The following ECSCR variants were observed in gnomAD, a reference collection of about 807,000 sequenced individuals.
ECSCR encodes endothelial cell surface expressed chemotaxis and apoptosis regulator.
Under a neutral mutation model 16.7 loss-of-function variants are expected in ECSCR, and 12 were observed. The ratio of observed to expected loss-of-function variants is 0.72; its 90% confidence interval spans 0.46 to 1.17. The LOEUF (loss-of-function observed/expected upper bound fraction) is 1.17. Ranked by LOEUF, ECSCR falls within the 50% of genes most tolerant of loss-of-function variation. The probability of loss-of-function intolerance (pLI) is 0.00; values close to 1 mark genes in which losing one functional copy is unlikely to be tolerated. For missense variants in ECSCR, 122 were observed against 116.1 expected (o/e 1.05, Z -0.23); for synonymous variants, 44 against 42.2 (o/e 1.04, Z -0.17).
chr5:139,448,893 G>A lies in ECSCR; in HGVS notation c.*7C>T, dbSNP rs1165041538. 2.0e-6 allele frequency: 3 copies of A among 1,537,238 alleles called. No homozygotes were observed. The highest frequency in any genetic ancestry group is 3.9e-5 in the Admixed American group (2 of 51,000). On this transcript the variant is annotated 3_prime_UTR_variant, in exon 10 of 10. Coordinates refer to ENST00000618155, the MANE Select transcript of ECSCR (RefSeq NM_001077693.4). ...ATCCTTGGACTCATGGGGACCCAAA[G>A]TTGCTTTTAAAGAACCTGCAAAATA...
chr5:139,462,523 G>A (rs1222100446), intron 1 of ECSCR, 87 bp downstream of exon 1: 2 of 1,341,480 alleles, frequency 1.5e-6, no homozygotes, highest in African/African-American at 2.9e-5. Flanking sequence ...TGGATGGAAA[G>A]CATGTGTCTC....
chr5:139,458,142 G>A lies in ECSCR; in HGVS notation c.103C>T (p.Gln35Ter). The A allele has an allele frequency of 6.5e-7, 1 of 1,549,670 alleles. No individual in the cohort carries two copies. The highest frequency in any genetic ancestry group is 8.7e-7 in the Non-Finnish European group (1 of 1,146,930). Residue 35 changes from glutamine (Q) to a stop codon, truncating the protein, a stop_gained, in exon 2 of 10, where the codon CAG (glutamine) becomes TAG (stop). Coordinates refer to ENST00000618155, the MANE Select transcript of ECSCR (RefSeq NM_001077693.4). LOFTEE classifies it high-confidence loss of function. ...AGACCCATGTGTTTGGTCTTACCCT[G>A]AGAGCTAGAGGTCTGGGTCATTGTG... The part of the protein sequence containing the change: ...QPTMTQTSSS[Q>*]GGLGGLSLTT...
At position 139,457,606 on chromosome 5, in the gene ECSCR, T is replaced by A. The variant is rs1192798549; in HGVS notation, c.158-2A>T. ...TAGCCTCTGAGGAAGGGATGTATCC[T>A]GCAAGGACAGAGGCAGATAGGGAGT... On this transcript the variant is annotated splice_acceptor_variant, in intron 3 of 9. Coordinates refer to ENST00000618155, the MANE Select transcript of ECSCR (RefSeq NM_001077693.4). LOFTEE classifies it high-confidence loss of function. 3.4e-6 allele frequency: 3 copies of A among 895,046 alleles called. No homozygotes were observed. The highest frequency in any genetic ancestry group is 5.7e-6 in the Non-Finnish European group (3 of 522,720). 55.4% of individuals were successfully genotyped at this position (895,046 alleles called of 1,614,324 possible).
intron 4 of ECSCR, among the ~76,000 whole-genome samples, chr5:139,456,765 G>A (rs1373670677): frequency 1.3e-5 from 2 of 152,052 alleles, no homozygotes; most frequent in African/African-American, 2.4e-5. Context: ...CTGTCTCTAC[G>A]CCCCACCAAA....
rs969454571 is a variant in ECSCR at position 139,454,634 on chromosome 5, G to A, written c.480C>T (p.Pro160=). Reference sequence around the variant, plus strand: ...ACAGCCCTGAACTCCCAGGTTTCTGGGGATCTGTAAAAAGCCAAAGGCACA... The same window carrying A: ...ACAGCCCTGAACTCCCAGGTTTCTGAGGATCTGTAAAAAGCCAAAGGCACA... ...KCRKSKESED[P]QKPGSSGLSE... The change falls in exon 8 of 10, where the codon CCC becomes CCT. Residue 160 remains proline, a synonymous_variant. Transcript: ENST00000618155. 62 of 398,228 alleles carry A rather than the reference G, an allele frequency of 1.6e-4. 1 individual carries two copies. The South Asian group carries it at 7.0e-3, about 45-fold the overall frequency. 24.7% of individuals were successfully genotyped at this position (398,228 alleles called of 1,614,324 possible). A position where few individuals can be genotyped will look rare whatever the true frequency, so the allele number is the denominator to read the frequency against.
At chr5:139,462,323 G>A (rs1244837203) in intron 1 of ECSCR, among the ~76,000 whole-genome samples, 1 of 152,154 alleles carries the variant, frequency 6.6e-6, no homozygotes, top group Admixed American at 6.6e-5. Flanking sequence ...TTGGGCCTGG[G>A]TCTTGCACTA....
intron 1 of ECSCR, among the ~76,000 whole-genome samples, chr5:139,460,551 G>C (rs1447275923): frequency 6.6e-6 from 1 of 152,180 alleles, no homozygotes; most frequent in African/African-American, 2.4e-5. Flanking sequence ...TCAGTGGCTT[G>C]GGAGGAGTTC....
At chr5:139,457,934 C>T in intron 2 of ECSCR, 127 bp from the exon 3 acceptor site, 1 of 1,231,922 alleles carries the variant, frequency 8.1e-7, no homozygotes, top group South Asian at 1.3e-5. Flanking sequence ...AACCATTCAC[C>T]TCTTTTTTCT....
chr5:139,456,241 C>T (rs1049755304), intron 5 of ECSCR, among the ~76,000 whole-genome samples: 2 of 152,134 alleles, frequency 1.3e-5, no homozygotes, highest in South Asian at 2.1e-4. Flanking sequence ...CCAGCCTGGA[C>T]GACAGAACAA....
At chr5:139,455,814 T>TTAA (rs1379703914) in intron 5 of ECSCR, among the ~76,000 whole-genome samples, 1 of 49,034 alleles carries the variant, frequency 2.0e-5, no homozygotes, top group Non-Finnish European at 3.6e-5. Flanking sequence ...CCATCTCTCC[T>TTAA]AAAAAAAAAA....
intron 8 of ECSCR, among the ~76,000 whole-genome samples, chr5:139,452,161 T>C (rs1751067586): frequency 7.0e-6 from 1 of 142,292 alleles, no homozygotes; most frequent in Non-Finnish European, 1.5e-5. Context: ...GCGTGGGGTG[T>C]GTGTGTAGTA....
rs561710558 is a variant in ECSCR, at chr5:139,462,588, G to A, written c.61+22C>T. On this transcript the variant is annotated intron_variant, in intron 1 of 9. Coordinates refer to ENST00000618155, the MANE Select transcript of ECSCR (RefSeq NM_001077693.4). ...CAGCTGCGGAGAGGAATTGCCATGG[G>A]AAAGCGGCAGGCACCTCTTACCTCG... The A allele has an allele frequency of 4.4e-5, 70 of 1,588,458 alleles. No individual in the cohort carries two copies. The South Asian group carries it at 7.3e-4, about 16-fold the overall frequency.
rs1165585878 is a variant in ECSCR at position 139,454,482 on chromosome 5, A to T, written c.512+120T>A. The T allele has an allele frequency of 8.4e-4, 313 of 370,496 alleles. 1 individual carries two copies. The highest frequency in any genetic ancestry group is 6.8e-3 in the African/African-American group (288 of 42,192). The allele number at this position is 370,496 out of a possible 1,614,324, so 23.0% of individuals were successfully genotyped here. A position where few individuals can be genotyped will look rare whatever the true frequency, so the allele number is the denominator to read the frequency against. ...TGAGGTGTGTGGGGGTGTGTGTGTG[A>T]TGTGTGAAGGTGTATGGTGTGTGGT... On this transcript the variant is annotated intron_variant, in intron 8 of 9. Transcript: ENST00000618155.
intron 8 of ECSCR, among the ~76,000 whole-genome samples, chr5:139,449,851 T>C (rs1750997409): frequency 6.6e-6 from 1 of 151,916 alleles, no homozygotes; most frequent in South Asian, 2.1e-4. Context: ...CGTCCCAAAG[T>C]ACTGAGATTA....
At position 139,458,179 on chromosome 5, in the gene ECSCR, G is replaced by A. The variant is rs1300606949; in HGVS notation, c.66C>T (p.His22=). The change falls in exon 2 of 10, where the codon CAC becomes CAT. Residue 22 remains histidine (H), a synonymous_variant. Transcript: ENST00000618155. The part of the protein sequence containing the change: ...VILGFLLFRG[H]NSQPTMTQTS... ...TCTGGGTCATTGTGGGCTGGGAGTTGTGGCCTGCAAGAGAAAGCAAAACAC... is the reference window on the plus strand; with the variant it reads ...TCTGGGTCATTGTGGGCTGGGAGTTATGGCCTGCAAGAGAAAGCAAAACAC... 2 of 1,549,756 alleles carry A rather than the reference G, an allele frequency of 1.3e-6. No homozygotes were observed. Among genetic ancestry groups the A allele is most frequent in the Middle Eastern group, 2.3e-4 (1 of 4,376 alleles).
Position 139,456,837 on chromosome 5 carries a change from A to C in ECSCR, c.218-319T>G, listed in dbSNP as rs918649158. On this transcript the variant is annotated intron_variant, in intron 4 of 9. Coordinates refer to ENST00000618155, the MANE Select transcript of ECSCR (RefSeq NM_001077693.4). ...GGTCCTGACCCCTGTGGCCTCCTGA[A>C]GAGGGCAGAAGGAACCCATCCAGAT... Among the ~76,000 whole-genome samples the C allele has an allele frequency of 3.3e-5, 5 of 152,286 alleles. No homozygotes were observed. The South Asian group carries it at 8.3e-4, about 25-fold the overall frequency.
chr5:139,457,666 C>T, intron 3 of ECSCR, 62 bp from the exon 4 acceptor site: 3 of 1,453,880 alleles, frequency 2.1e-6, no homozygotes, highest in Admixed American at 1.7e-5. Flanking sequence ...ACCACACTCC[C>T]TGTCCCACCC....
At chr5:139,457,725 G>C in intron 3 of ECSCR, 32 bp downstream of exon 3, 2 of 1,613,156 alleles carry the variant, frequency 1.2e-6, no homozygotes, top group Admixed American at 3.3e-5. Flanking sequence ...TGTGGGGCAG[G>C]AGCAGGGACC....
chr5:139,448,697 T>A lies in ECSCR; in HGVS notation c.*203A>T. 7.2e-7 allele frequency: 1 copy of A among 1,397,072 alleles called. No homozygotes were observed. The highest frequency in any genetic ancestry group is 1.7e-5 in the South Asian group (1 of 59,710). The allele number at this position is 1,397,072 out of a possible 1,614,324, so 86.5% of individuals were successfully genotyped here. A position where few individuals can be genotyped will look rare whatever the true frequency, so the allele number is the denominator to read the frequency against. On this transcript the variant is annotated 3_prime_UTR_variant, in exon 10 of 10. Transcript: ENST00000618155. ...AAGCAGGCAGTATTTCCACAGCAGC[T>A]GTCCATACAGGAAAGAGTCTCCCCT...
Sources: gnomAD v4.1 joint callset for allele counts (sites outside exome capture counted in the v4.1 genomes callset) on GRCh38, gnomAD v4.1.1 for gene constraint, MANE v1.5 for transcripts, NCBI Gene and HGNC (gene_info 2026-07-23, HGNC 2026-07-21) for gene names.